Variants in SMIM23 observed in about 807,000 individuals in gnomAD.
The protein encoded by SMIM23 is small integral membrane protein 23.
SMIM23 carries 10 observed loss-of-function variants against 12.8 expected under a neutral mutation model. The observed-to-expected ratio is 0.78, with a 90% CI of 0.48 to 1.32. SMIM23 has a LOEUF of 1.32. Among genes scored for constraint, SMIM23 ranks in the 40% most tolerant of loss-of-function variants. The pLI, the probability that SMIM23 is intolerant of heterozygous loss-of-function variation, is 0.00. For synonymous variants in SMIM23, 78 were observed against 80.1 expected (o/e 0.97, Z 0.14); for missense variants, 184 against 198.2 (o/e 0.93, Z 0.43).
chr5:171,787,004 C>CTTTTTTTTTTTTTTTTTTTTTTTTTT, intron 1 of SMIM23, among the ~76,000 whole-genome samples: 1 of 71,292 alleles, frequency 1.4e-5, no homozygotes, highest in African/African-American at 4.9e-5. Context: ...CCATTGTTTC[C>CTTTTTTTTTTTTTTTTTTTTTTTTTT]TTTTTTTTTT....
chr5:171,781,500 T>C (rs1755724787), upstream of SMIM23, among the ~76,000 whole-genome samples: 3 of 152,058 alleles, frequency 2.0e-5, no homozygotes, highest in South Asian at 6.2e-4. Context: ...AAAATTCTGG[T>C]GCATCCACCA....
chr5:171,779,708 T>A (rs1456216881), upstream of SMIM23, among the ~76,000 whole-genome samples: 5 of 152,040 alleles, frequency 3.3e-5, no homozygotes, highest in African/African-American at 1.2e-4. Flanking sequence ...ACTGGGAGAA[T>A]TAAATTGAAT....
intron 1 of SMIM23, among the ~76,000 whole-genome samples, chr5:171,788,464 C>G (rs2113652177): frequency 6.6e-6 from 1 of 152,058 alleles, no homozygotes; most frequent in Non-Finnish European, 1.5e-5. Flanking sequence ...TGAAAGAGGT[C>G]TCTTGTTTCC....
upstream of SMIM23, among the ~76,000 whole-genome samples, chr5:171,784,430 G>A (rs944790352): frequency 1.3e-4 from 20 of 152,220 alleles, no homozygotes; most frequent in East Asian, 3.9e-3. Context: ...GCGTGAACCC[G>A]GGAGGCAGAG....
At chr5:171,787,934 C>CT (rs2113651499) in intron 1 of SMIM23, among the ~76,000 whole-genome samples, 1 of 151,222 alleles carries the variant, frequency 6.6e-6, no homozygotes, top group African/African-American at 2.4e-5. Flanking sequence ...TGCTATGTAA[C>CT]ATTTTTTTTT....
chr5:171,782,748 T>C (rs905655228), upstream of SMIM23: 1 of 152,268 alleles, frequency 6.6e-6, no homozygotes, highest in East Asian at 1.9e-4. Context: ...TCATTATTCA[T>C]CCTTTCAACA....
chr5:171,788,629 G>A (rs838294), intron 1 of SMIM23, among the ~76,000 whole-genome samples: 1,713 of 152,236 alleles, frequency 0.011, 35 homozygotes, highest in African/African-American at 0.039. Context: ...AATCTTCCTT[G>A]GCAGTACAAC....
intron 1 of SMIM23, among the ~76,000 whole-genome samples, chr5:171,788,867 T>G (rs1484435711): frequency 5.9e-5 from 9 of 152,224 alleles, no homozygotes. Context: ...TGAGACAGAT[T>G]CTTGCTCTGT....
chr5:171,777,452 AT>A (rs34019090), upstream of SMIM23, among the ~76,000 whole-genome samples: 1 of 152,066 alleles, frequency 6.6e-6, no homozygotes, highest in East Asian at 1.9e-4. Context: ...GCAGAAGGGT[AT>A]TTTTGGTGTG....
chr5:171,774,696 A>T, the SMIM23 span: 1 of 439,134 alleles, frequency 2.3e-6, no homozygotes, highest in Non-Finnish European at 4.5e-6. Context: ...TTGGATGCAG[A>T]AGAGTTTCAT....
At chr5:171,789,076 G>A (rs1755871299) in intron 1 of SMIM23, among the ~76,000 whole-genome samples, 1 of 152,248 alleles carries the variant, frequency 6.6e-6, no homozygotes, top group Non-Finnish European at 1.5e-5. Context: ...TTGACCTCAG[G>A]TGATCACCAC....
At chr5:171,773,495 C>G in the SMIM23 span, among the ~76,000 whole-genome samples, 2 of 152,128 alleles carry the variant, frequency 1.3e-5, no homozygotes, top group East Asian at 1.9e-4. Flanking sequence ...GGGGCCCACA[C>G]AGCCCCAGAC....
chr5:171,789,320 G>T (rs1755879844), intron 1 of SMIM23, among the ~76,000 whole-genome samples: 1 of 152,184 alleles, frequency 6.6e-6, no homozygotes, highest in Admixed American at 6.5e-5. Context: ...CACAAAAATG[G>T]GGACACATAT....
At chr5:171,790,711 G>C (rs1755906730) in intron 3 of SMIM23, 84 bp from the exon 4 acceptor site, 3 of 1,478,752 alleles carry the variant, frequency 2.0e-6, no homozygotes, top group Non-Finnish European at 2.7e-6. Context: ...CAAAGGCCCA[G>C]GGATCTTTTT....
chr5:171,785,576 A>T (rs1755799638), upstream of SMIM23, among the ~76,000 whole-genome samples: 1 of 152,168 alleles, frequency 6.6e-6, no homozygotes, highest in Non-Finnish European at 1.5e-5. Flanking sequence ...TAGAATTAGC[A>T]TTTTTATTAA....
intron 1 of SMIM23, 35 bp downstream of exon 1, chr5:171,786,011 C>T (rs1581073502): frequency 3.3e-6 from 5 of 1,496,260 alleles, no homozygotes; most frequent in Non-Finnish European, 4.5e-6. Flanking sequence ...GCTTTCCTCC[C>T]ATCTGGGCTC....
intron 1 of SMIM23, among the ~76,000 whole-genome samples, chr5:171,787,251 C>G (rs546814378): frequency 1.7e-4 from 26 of 152,222 alleles, no homozygotes; most frequent in African/African-American, 6.3e-4. Context: ...AACTCCTGAC[C>G]TCATGATCCA....
intron 1 of SMIM23, among the ~76,000 whole-genome samples, chr5:171,789,502 C>T (rs913085868): frequency 6.6e-6 from 1 of 152,004 alleles, no homozygotes. Flanking sequence ...TCATAATAGC[C>T]CCAAACTGGA....
the SMIM23 span, chr5:171,773,844 A>T: frequency 9.9e-5 from 45 of 456,318 alleles, no homozygotes; most frequent in South Asian, 6.7e-4. Context: ...CCTAATTTTT[A>T]AGACAACTTA....
Sources: allele counts gnomAD v4.1 joint callset (sites outside exome capture counted in the v4.1 genomes callset), GRCh38; gene constraint gnomAD v4.1.1; transcripts MANE v1.5; gene names NCBI Gene and HGNC (gene_info 2026-07-23, HGNC 2026-07-21).